Variants in GMDS observed in about 807,000 individuals in gnomAD.
GMDS encodes GDP-mannose 4,6-dehydratase, also known as GDP-mannose 4,6 dehydratase.
GMDS carries 20 observed loss-of-function variants against 49.9 expected under a neutral mutation model. The ratio of observed to expected loss-of-function variants is 0.40; its 90% CI spans 0.28 to 0.58. The LOEUF (loss-of-function observed/expected upper bound fraction) is 0.58. Among genes scored for constraint, GMDS ranks in the 20% least tolerant of loss-of-function variants. The pLI is 0.42. For synonymous variants in GMDS, 177 were observed against 178.6 expected, an observed-to-expected ratio of 0.99 and a Z score of 0.07; for missense variants, 362 against 481.4, an observed-to-expected ratio of 0.75 and a Z score of 2.32.
chr6:2,176,219 A>G (rs1005126323), intron 1 of GMDS, among the ~76,000 whole-genome samples: 5 of 152,234 alleles, frequency 3.3e-5, no homozygotes, highest in African/African-American at 1.2e-4. Flanking sequence ...TTAATTATAT[A>G]TTAGCAATTT....
Position 2,044,431 on chromosome 6 carries a change from G to A in GMDS, c.345+71340C>T, listed in dbSNP as rs183605019. On this transcript the variant is annotated intron_variant, in intron 4 of 10. Transcript: ENST00000380815. ...TGGTGGGGACATGGATGGAGCTGAA[G>A]GCCATTATCCTTAGCAAACTACTGG... is the stretch of plus-strand genomic sequence containing the variant. Among the ~76,000 whole-genome samples, 150 of 152,228 alleles carry A rather than the reference G, an allele frequency of 9.9e-4. 1 individual carries two copies. The highest frequency in any genetic ancestry group is 3.5e-3 in the African/African-American group (145 of 41,548).
Position 1,632,569 on chromosome 6 carries a change from T to C in GMDS, c.988-8029A>G, listed in dbSNP as rs76956794. On this transcript the variant is annotated intron_variant, in intron 9 of 10. Transcript: ENST00000380815. ...CAACATTTGTGCATTTCACAGTATA[T>C]AGATTTTATCTCAACACAAAAACGT... is the stretch of plus-strand genomic sequence containing the variant. Among the ~76,000 whole-genome samples, 138 of 152,334 alleles carry C rather than the reference T, an allele frequency of 9.1e-4. 1 individual carries two copies. Among genetic ancestry groups the C allele is most frequent in the African/African-American group, 3.2e-3 (134 of 41,588 alleles).
chr6:1,954,178 A>G (rs1763508895), intron 6 of GMDS, among the ~76,000 whole-genome samples: 1 of 152,268 alleles, frequency 6.6e-6, no homozygotes, highest in South Asian at 2.1e-4. Context: ...AAGAAACAAT[A>G]CAAAAGGAAA....
chr6:1,828,393 T>C (rs904665717), intron 7 of GMDS, among the ~76,000 whole-genome samples: 1 of 152,086 alleles, frequency 6.6e-6, no homozygotes, highest in Non-Finnish European at 1.5e-5. Context: ...GAAGTAATGG[T>C]TGATAACTTC....
At chr6:1,757,785 G>A (rs1368456828) in intron 7 of GMDS, among the ~76,000 whole-genome samples, 1 of 152,150 alleles carries the variant, frequency 6.6e-6, no homozygotes, top group Non-Finnish European at 1.5e-5. Flanking sequence ...TTCTAAAACA[G>A]CACTGCCCAA....
intron 7 of GMDS, among the ~76,000 whole-genome samples, chr6:1,826,540 C>G (rs1421310089): frequency 6.6e-6 from 1 of 152,190 alleles, no homozygotes; most frequent in Non-Finnish European, 1.5e-5. Context: ...ATATGCTAAA[C>G]AAATCCTTTC....
chr6:2,105,455 CCTAAGAT>C (rs1406228931), intron 4 of GMDS, among the ~76,000 whole-genome samples: 1 of 152,114 alleles, frequency 6.6e-6, no homozygotes, highest in Non-Finnish European at 1.5e-5. Context: ...TCTGAATTGT[CCTAAGAT>C]AAGTTAGTGT....
At chr6:1,677,021 A>T (rs1237315284) in intron 9 of GMDS, among the ~76,000 whole-genome samples, 1 of 152,230 alleles carries the variant, frequency 6.6e-6, no homozygotes, top group Non-Finnish European at 1.5e-5. Context: ...AATGTTTGCA[A>T]TCTACCCATC....
At chr6:2,155,214 G>A (rs3800170) in intron 1 of GMDS, among the ~76,000 whole-genome samples, 6,451 of 152,170 alleles carry the variant, frequency 0.042, 270 homozygotes, top group South Asian at 0.13. Context: ...AAGGATATTT[G>A]TCCTTAACAC....
At chr6:2,048,101 A>G (rs139748154) in intron 4 of GMDS, among the ~76,000 whole-genome samples, 1 of 152,228 alleles carries the variant, frequency 6.6e-6, no homozygotes, top group Non-Finnish European at 1.5e-5. Context: ...CTCACGTGCT[A>G]ACAGTCTCTG....
At chr6:1,653,589 C>G (rs953301191) in intron 9 of GMDS, among the ~76,000 whole-genome samples, 3 of 152,168 alleles carry the variant, frequency 2.0e-5, no homozygotes, top group Non-Finnish European at 2.9e-5. Context: ...AGTGTGGAAC[C>G]AGCATAAAGA....
At chr6:2,138,157 C>G (rs1421368051) in intron 1 of GMDS, among the ~76,000 whole-genome samples, 6 of 152,100 alleles carry the variant, frequency 3.9e-5, no homozygotes, top group Non-Finnish European at 8.8e-5. Flanking sequence ...AAAAAAATTA[C>G]AACATTTATT....
chr6:2,078,405 T>C (rs1772471871), intron 4 of GMDS, among the ~76,000 whole-genome samples: 1 of 152,136 alleles, frequency 6.6e-6, no homozygotes, highest in Non-Finnish European at 1.5e-5. Context: ...GGGCATTTAT[T>C]GCTATAAACT....
In GMDS at chr6:2,083,696, A is replaced by T. The variant is rs1772846370; in HGVS notation, c.345+32075T>A. Among the ~76,000 whole-genome samples the T allele has an allele frequency of 2.0e-5, 3 of 152,172 alleles. No individual in the cohort carries two copies. The South Asian group carries it at 6.2e-4, about 32-fold the overall frequency. On this transcript the variant is annotated intron_variant, in intron 4 of 10. Transcript: ENST00000380815. ...CCTTCATTTTACAATCAAGTCTCTG[A>T]TTTCTCACAAACCTTCATGCAATTT...
rs568422292 is a variant in GMDS, at chr6:1,973,719, C to T, written c.346-12753G>A. On this transcript the variant is annotated intron_variant, in intron 4 of 10. Coordinates refer to ENST00000380815, the MANE Select transcript of GMDS (RefSeq NM_001500.4). The stretch of plus-strand genomic sequence containing the variant: ...ATAATTACATTTAAAATGGTCACTA[C>T]TATAACATTAAAGTAGGAAGAGAGC... 1.6e-4 allele frequency among the ~76,000 whole-genome samples: 24 copies of T among 152,176 alleles called. No individual in the cohort carries two copies. In the East Asian group the frequency reaches 4.6e-3, roughly 29 times the overall value.
rs570319079 is a variant in GMDS at position 2,208,690 on chromosome 6, C to T, written c.102+36631G>A. Among the ~76,000 whole-genome samples, 5 of 152,154 alleles carry T rather than the reference C, an allele frequency of 3.3e-5. No individual in the cohort carries two copies. The South Asian group carries it at 6.2e-4, about 19-fold the overall frequency. On this transcript the variant is annotated intron_variant, in intron 1 of 10. Transcript: ENST00000380815. The stretch of plus-strand genomic sequence containing the variant: ...AAGAGCTCAATGTAGCTGAAATACC[C>T]GAAGGAAAGTAAAAGCACTTTAGAA...
At chr6:1,988,535 C>T (rs953355817) in intron 4 of GMDS, among the ~76,000 whole-genome samples, 10 of 152,050 alleles carry the variant, frequency 6.6e-5, no homozygotes, top group Non-Finnish European at 5.9e-5. Flanking sequence ...CTATCCAGCT[C>T]ACCCCAACTG....
At chr6:1,687,611 C>T (rs993878395) in intron 9 of GMDS, among the ~76,000 whole-genome samples, 4 of 151,974 alleles carry the variant, frequency 2.6e-5, no homozygotes, top group Admixed American at 6.5e-5. Flanking sequence ...GTTGCCAGCA[C>T]AATGGACAGG....
At chr6:2,021,896 T>C (rs568978530) in intron 4 of GMDS, among the ~76,000 whole-genome samples, 191 of 152,342 alleles carry the variant, frequency 1.3e-3, no homozygotes, top group Non-Finnish European at 2.4e-3. Context: ...GGTTGTGAAA[T>C]GGCAGTCTCA....
Sources: allele counts gnomAD v4.1 joint callset (sites outside exome capture counted in the v4.1 genomes callset), GRCh38; gene constraint gnomAD v4.1.1; transcripts MANE v1.5; gene names NCBI Gene and HGNC (gene_info 2026-07-23, HGNC 2026-07-21).